CCDC7: variants seen among roughly 807,000 people sequenced by gnomAD.
CCDC7 encodes the protein coiled-coil domain containing 7, also known as coiled-coil domain-containing protein 7.
A neutral mutation model predicts 196.9 loss-of-function variants in CCDC7; 183 were observed. The observed-to-expected ratio is 0.93, with a 90% confidence interval of 0.82 to 1.05. CCDC7 has a LOEUF of 1.05. Among genes scored for constraint, CCDC7 ranks in the 50% least tolerant of loss-of-function variants. The pLI is 0.00. For missense variants in CCDC7, 1,540 were observed against 1,482.2 expected, an observed-to-expected ratio of 1.04 and a Z score of -0.64; for synonymous variants, 525 against 484.6, an observed-to-expected ratio of 1.08 and a Z score of -1.10.
intron 41 of CCDC7, among the ~76,000 whole-genome samples, chr10:32,858,077 GAAGA>G (rs1356313519): frequency 7.2e-6 from 1 of 139,588 alleles, no homozygotes; most frequent in Non-Finnish European, 1.6e-5. Flanking sequence ...ATTGAATCAG[GAAGA>G]AATAGAAAGC....
At chr10:32,879,673 G>A (rs547896578), downstream of CCDC7, among the ~76,000 whole-genome samples, 9 of 151,738 alleles carry the variant, frequency 5.9e-5, no homozygotes, top group South Asian at 2.1e-4. Flanking sequence ...ATTAAGCCTC[G>A]CATGCATTAG....
chr10:32,745,584 A>G (rs1236482243), intron 28 of CCDC7, among the ~76,000 whole-genome samples: 1 of 152,204 alleles, frequency 6.6e-6, no homozygotes, highest in African/African-American at 2.4e-5. Flanking sequence ...CAAGACATTC[A>G]TGAGGGACCT....
intron 16 of CCDC7, among the ~76,000 whole-genome samples, chr10:32,582,428 C>T (rs561029977): frequency 1.3e-5 from 2 of 151,972 alleles, no homozygotes; most frequent in African/African-American, 4.8e-5. Flanking sequence ...AGTTTGATCA[C>T]TTAAATTATC....
intron 18 of CCDC7, chr10:32,623,612 A>G: frequency 2.3e-6 from 1 of 436,560 alleles, no homozygotes; most frequent in South Asian, 1.6e-5. Context: ...TACTATTAAG[A>G]ACTCTGTCAG....
intron 20 of CCDC7, among the ~76,000 whole-genome samples, chr10:32,655,214 G>A (rs946618412): frequency 6.6e-6 from 1 of 152,162 alleles, no homozygotes; most frequent in Non-Finnish European, 1.5e-5. Context: ...GCTGTTGGTT[G>A]ACTGGGTTAC....
chr10:32,864,321 C>A (rs142355564), intron 41 of CCDC7, among the ~76,000 whole-genome samples: 2 of 151,044 alleles, frequency 1.3e-5, no homozygotes, highest in South Asian at 2.1e-4. Flanking sequence ...TTTTCAAAAC[C>A]GTAAAAATTA....
intron 24 of CCDC7, among the ~76,000 whole-genome samples, chr10:32,703,327 A>G (rs1391266709): frequency 6.6e-6 from 1 of 152,024 alleles, no homozygotes; most frequent in Non-Finnish European, 1.5e-5. Context: ...TTCTTTATGA[A>G]TGTTGAATAT....
chr10:32,633,550 C>G (rs567878777), intron 18 of CCDC7, among the ~76,000 whole-genome samples: 34 of 152,194 alleles, frequency 2.2e-4, no homozygotes, highest in African/African-American at 3.6e-4. Flanking sequence ...ACTCTCTTGA[C>G]CAAGACTGAG....
intron 41 of CCDC7, among the ~76,000 whole-genome samples, chr10:32,868,979 T>C (rs1348159414): frequency 6.6e-6 from 1 of 152,118 alleles, no homozygotes; most frequent in African/African-American, 2.4e-5. Flanking sequence ...TGTTGGACAT[T>C]TGGGTTGGTT....
At chr10:32,626,441 C>T (rs2064054345) in intron 18 of CCDC7, among the ~76,000 whole-genome samples, 1 of 151,482 alleles carries the variant, frequency 6.6e-6, no homozygotes, top group Non-Finnish European at 1.5e-5. Context: ...GAATTTAGTT[C>T]CTTATATATT....
chr10:32,821,960 CAAA>C (rs1565613688), intron 31 of CCDC7, among the ~76,000 whole-genome samples: 1 of 143,540 alleles, frequency 7.0e-6, no homozygotes, highest in South Asian at 2.2e-4. Flanking sequence ...TAAAGTATAA[CAAA>C]AAAAGAAAAA....
intron 30 of CCDC7, among the ~76,000 whole-genome samples, chr10:32,809,720 A>G (rs528650678): frequency 2.1e-4 from 32 of 152,356 alleles, no homozygotes; most frequent in Non-Finnish European, 4.4e-4. Context: ...TTAAAAAGTC[A>G]GAAAACAACA....
intron 20 of CCDC7, among the ~76,000 whole-genome samples, chr10:32,645,942 A>T (rs11009016): frequency 6.6e-6 from 1 of 151,846 alleles, no homozygotes; most frequent in Non-Finnish European, 1.5e-5. Context: ...TTTTTAGTCT[A>T]TCTAAAGGTT....
At chr10:32,719,824 A>T (rs935224850) in intron 25 of CCDC7, among the ~76,000 whole-genome samples, 12 of 152,330 alleles carry the variant, frequency 7.9e-5, no homozygotes, top group Middle Eastern at 6.8e-3. Context: ...ATGAGATACC[A>T]TCTCACATCA....
upstream of CCDC7, among the ~76,000 whole-genome samples, chr10:32,449,081 T>C (rs1449343168): frequency 6.6e-6 from 1 of 152,146 alleles, no homozygotes; most frequent in Non-Finnish European, 1.5e-5. Context: ...ATTCCTCTTA[T>C]ACCTGTTTCA....
At chr10:32,503,482 T>G (rs1484258913) in intron 9 of CCDC7, among the ~76,000 whole-genome samples, 1 of 152,190 alleles carries the variant, frequency 6.6e-6, no homozygotes, top group Non-Finnish European at 1.5e-5. Context: ...AGGGATAAAT[T>G]CCACTTGATC....
chr10:32,732,565 T>A (rs2084166206), intron 28 of CCDC7, among the ~76,000 whole-genome samples: 1 of 152,204 alleles, frequency 6.6e-6, no homozygotes, highest in Non-Finnish European at 1.5e-5. Context: ...GTTCTGCCAA[T>A]TTTTGTTCTA....
chr10:32,594,563 C>G (rs892039979), intron 18 of CCDC7, among the ~76,000 whole-genome samples: 3 of 152,178 alleles, frequency 2.0e-5, no homozygotes, highest in African/African-American at 7.2e-5. Flanking sequence ...CCTGATTGCC[C>G]TGGCCAGAAC....
chr10:32,735,749 A>C (rs2084754832), intron 28 of CCDC7, among the ~76,000 whole-genome samples: 1 of 152,184 alleles, frequency 6.6e-6, no homozygotes, highest in Non-Finnish European at 1.5e-5. Context: ...CACCAAATTT[A>C]AGGCCACCTA....
Sources: allele counts gnomAD v4.1 joint callset (sites outside exome capture counted in the v4.1 genomes callset), GRCh38; gene constraint gnomAD v4.1.1; transcripts MANE v1.5; gene names NCBI Gene and HGNC (gene_info 2026-07-23, HGNC 2026-07-21).